The following ANAPC10 variants were observed in gnomAD, a reference collection of about 807,000 sequenced individuals.
The protein encoded by ANAPC10 is anaphase-promoting complex subunit 10.
ANAPC10 carries 12 observed loss-of-function variants against 22.0 expected under a neutral mutation model. That is an observed-to-expected ratio of 0.55 (90% CI 0.35 to 0.88). The LOEUF (loss-of-function observed/expected upper bound fraction) is 0.88. Among genes scored for constraint, ANAPC10 ranks in the 40% least tolerant of loss-of-function variants. The pLI, the probability that ANAPC10 is intolerant of heterozygous loss-of-function variation, is 0.01. For missense variants in ANAPC10, 188 were observed against 220.9 expected, an observed-to-expected ratio of 0.85 and a Z score of 0.94; for synonymous variants, 65 against 69.5, an observed-to-expected ratio of 0.94 and a Z score of 0.32.
At chr4:145,026,945 A>ATATATATATATATATATATTTGTTTG (rs1287102797) in intron 4 of ANAPC10, among the ~76,000 whole-genome samples, 1 of 17,138 alleles carries the variant, frequency 5.8e-5, no homozygotes, top group Non-Finnish European at 1.2e-4. Context: ...ATATATATAT[A>ATATATATATATATATATATTTGTTTG]TGTGTGTGTG....
At chr4:145,047,151 C>G (rs1740430777) in intron 4 of ANAPC10, among the ~76,000 whole-genome samples, 3 of 152,006 alleles carry the variant, frequency 2.0e-5, no homozygotes, top group Non-Finnish European at 4.4e-5. Context: ...AGAAATTGTA[C>G]TCTCTCTCAA....
intron 4 of ANAPC10, among the ~76,000 whole-genome samples, chr4:145,047,765 T>C (rs1740539768): frequency 6.6e-6 from 1 of 152,182 alleles, no homozygotes; most frequent in Non-Finnish European, 1.5e-5. Context: ...GATGAGATTA[T>C]TGTTCAACTA....
chr4:145,036,713 T>C (rs1284331772), intron 4 of ANAPC10, among the ~76,000 whole-genome samples: 1 of 151,862 alleles, frequency 6.6e-6, no homozygotes, highest in Non-Finnish European at 1.5e-5. Flanking sequence ...TTACAAAAAC[T>C]CAAAGTTAGT....
At position 145,092,342 on chromosome 4, in the gene ANAPC10, A is replaced by G. The variant is rs578103218; in HGVS notation, c.115+3643T>C. Among the ~76,000 whole-genome samples the G allele has an allele frequency of 4.6e-5, 7 of 152,280 alleles. No individual in the cohort carries two copies. The South Asian group carries it at 1.2e-3, about 27-fold the overall frequency. On this transcript the variant is annotated intron_variant, in intron 2 of 4. Coordinates refer to ENST00000507656, the MANE Select transcript of ANAPC10 (RefSeq NM_001256706.2). ...TTAAACTTAAAATTTAAATTAAAAAAAATCACCTCCATCCAAACAACAGAA... is the reference window on the plus strand; with the variant it reads ...TTAAACTTAAAATTTAAATTAAAAAGAATCACCTCCATCCAAACAACAGAA...
At chr4:145,070,057 G>A (rs1483660599) in intron 3 of ANAPC10, among the ~76,000 whole-genome samples, 1 of 152,120 alleles carries the variant, frequency 6.6e-6, no homozygotes, top group Non-Finnish European at 1.5e-5. Context: ...TAAATAATGA[G>A]ATACATATAT....
At chr4:145,087,357 G>GT (rs200552388) in intron 2 of ANAPC10, among the ~76,000 whole-genome samples, 89 of 152,074 alleles carry the variant, frequency 5.9e-4, no homozygotes, top group African/African-American at 1.9e-3. Context: ...CTAAGGGGCT[G>GT]TTTTTTTCTT....
intron 1 of ANAPC10, among the ~76,000 whole-genome samples, chr4:145,096,969 G>A (rs1748629056): frequency 6.6e-6 from 1 of 152,158 alleles, no homozygotes; most frequent in Non-Finnish European, 1.5e-5. Flanking sequence ...CCAGCAGTTT[G>A]GGAGGCCAAG....
chr4:145,060,477 TA>T (rs1267945861), intron 4 of ANAPC10, among the ~76,000 whole-genome samples: 2 of 152,164 alleles, frequency 1.3e-5, no homozygotes, highest in East Asian at 3.9e-4. Context: ...ATAAGGCAGC[TA>T]TATGCTTTTC....
intron 4 of ANAPC10, among the ~76,000 whole-genome samples, chr4:145,052,234 A>T (rs1159983625): frequency 2.0e-5 from 3 of 152,208 alleles, no homozygotes; most frequent in African/African-American, 7.2e-5. Context: ...TGTATACTTG[A>T]AAATTGCTAA....
intron 4 of ANAPC10, among the ~76,000 whole-genome samples, chr4:145,046,659 T>C (rs1333363433): frequency 6.6e-6 from 1 of 152,106 alleles, no homozygotes; most frequent in African/African-American, 2.4e-5. Flanking sequence ...ATTAAATCTG[T>C]ATATCTACTC....
intron 4 of ANAPC10, among the ~76,000 whole-genome samples, chr4:145,044,256 C>T (rs1739949386): frequency 6.6e-6 from 1 of 152,034 alleles, no homozygotes; most frequent in Non-Finnish European, 1.5e-5. Context: ...TACGTTCTTA[C>T]CTTTCAGAAA....
intron 4 of ANAPC10, among the ~76,000 whole-genome samples, chr4:145,044,604 T>G (rs1173358347): frequency 1.3e-5 from 2 of 152,090 alleles, no homozygotes; most frequent in African/African-American, 4.8e-5. Flanking sequence ...AAAGAGAATT[T>G]TATTTGTAAG....
intron 4 of ANAPC10, among the ~76,000 whole-genome samples, chr4:145,037,642 G>T (rs1738790655): frequency 6.6e-6 from 1 of 151,982 alleles, no homozygotes. Context: ...GTAAACAATT[G>T]CTTATTTAAA....
intron 2 of ANAPC10, among the ~76,000 whole-genome samples, chr4:145,083,606 A>G (rs1746418582): frequency 6.6e-6 from 1 of 152,222 alleles, no homozygotes; most frequent in Non-Finnish European, 1.5e-5. Flanking sequence ...CCAGATTTTG[A>G]TGACTTTGTA....
intron 4 of ANAPC10, among the ~76,000 whole-genome samples, chr4:145,057,130 ATCC>A (rs1053782215): frequency 2.0e-5 from 3 of 152,220 alleles, no homozygotes; most frequent in African/African-American, 2.4e-5. Flanking sequence ...CCAAACAAGA[ATCC>A]TCCTCAGAAT....
chr4:145,044,127 A>C (rs528743403), intron 4 of ANAPC10, among the ~76,000 whole-genome samples: 2 of 152,248 alleles, frequency 1.3e-5, no homozygotes, highest in East Asian at 1.9e-4. Flanking sequence ...AAATAGATTC[A>C]AGGAGATAAT....
In ANAPC10 at chr4:145,081,755, A is replaced by C; in HGVS notation, c.116-5T>G. On this transcript the variant is annotated splice_polypyrimidine_tract_variant and splice_region_variant and intron_variant, in intron 2 of 4. Transcript: ENST00000507656. ...GTAACTGATCCACTCCAAATCCTAA[A>C]AACACCAAAAGTGTCAATAAATCCC... 1 of 1,603,320 alleles carries C rather than the reference A, an allele frequency of 6.2e-7. No individual in the cohort carries two copies. The highest frequency in any genetic ancestry group is 1.7e-4 in the Middle Eastern group (1 of 6,038).
At chr4:145,002,983 C>T (rs1280845956) in intron 4 of ANAPC10, among the ~76,000 whole-genome samples, 6 of 152,032 alleles carry the variant, frequency 3.9e-5, no homozygotes, top group African/African-American at 9.7e-5. Context: ...GCATAATACC[C>T]GATAGGTAGT....
intron 4 of ANAPC10, among the ~76,000 whole-genome samples, chr4:145,026,989 T>TATATATA (rs1736851394): frequency 1.0e-4 from 1 of 9,548 alleles, no homozygotes; most frequent in African/African-American, 3.8e-4. Context: ...ATATATATAT[T>TATATATA]TTTTTTTTTT....
Sources: gnomAD v4.1 joint callset for allele counts (sites outside exome capture counted in the v4.1 genomes callset) on GRCh38, gnomAD v4.1.1 for gene constraint, MANE v1.5 for transcripts, NCBI Gene and HGNC (gene_info 2026-07-23, HGNC 2026-07-21) for gene names.